GALNTL6: variants seen among roughly 807,000 people sequenced by gnomAD.
GALNTL6 encodes the protein polypeptide N-acetylgalactosaminyltransferase-like 6.
Under a neutral mutation model 73.7 loss-of-function variants are expected in GALNTL6, and 46 were observed. That is an observed-to-expected ratio of 0.62 (90% CI 0.49 to 0.80). The LOEUF (loss-of-function observed/expected upper bound fraction) is 0.80, where lower values mean the gene tolerates loss of function less well. GALNTL6 is among the 30% of genes least tolerant of loss of function. The probability of loss-of-function intolerance (pLI) is 0.00; values close to 1 mark genes in which losing one functional copy is unlikely to be tolerated. For missense variants in GALNTL6, 604 were observed against 755.0 expected (o/e 0.80, Z 2.34); for synonymous variants, 259 against 263.7 (o/e 0.98, Z 0.17).
intron 5 of GALNTL6, among the ~76,000 whole-genome samples, chr4:172,362,755 C>G (rs2111242381): frequency 6.6e-6 from 1 of 152,328 alleles, no homozygotes; most frequent in Non-Finnish European, 1.5e-5. Flanking sequence ...CACTTCCTCG[C>G]TTGATGACAT....
At chr4:172,681,730 T>C (rs1461592547) in intron 5 of GALNTL6, among the ~76,000 whole-genome samples, 1 of 152,182 alleles carries the variant, frequency 6.6e-6, no homozygotes, top group Admixed American at 6.5e-5. Context: ...ATAACTATTA[T>C]GTTTCAGGAC....
intron 10 of GALNTL6, among the ~76,000 whole-genome samples, chr4:173,007,297 C>A (rs906156036): frequency 3.9e-5 from 6 of 152,266 alleles, no homozygotes; most frequent in African/African-American, 1.4e-4. Context: ...TTGGTTAAAT[C>A]ATCAGTTGGG....
chr4:171,830,502 C>CA (rs1191844436), intron 2 of GALNTL6, among the ~76,000 whole-genome samples: 1 of 151,742 alleles, frequency 6.6e-6, no homozygotes, highest in Non-Finnish European at 1.5e-5. Flanking sequence ...TATATGTATA[C>CA]AAAAAAATAA....
At position 171,993,069 on chromosome 4, in the gene GALNTL6, C is replaced by T. The variant is rs559531064; in HGVS notation, c.138+178351C>T. Among the ~76,000 whole-genome samples the T allele has an allele frequency of 2.0e-4, 31 of 151,598 alleles. No individual in the cohort carries two copies. In the South Asian group the frequency reaches 6.0e-3, roughly 29 times the overall value. On this transcript the variant is annotated intron_variant, in intron 2 of 12. Coordinates refer to ENST00000506823, the MANE Select transcript of GALNTL6 (RefSeq NM_001034845.3). ...CCTTGAGATGGTAATAATCTGTTTTCGTCTCTGCCAACTCCCTCCCCAACA... is the reference window on the plus strand; with the variant it reads ...CCTTGAGATGGTAATAATCTGTTTTTGTCTCTGCCAACTCCCTCCCCAACA...
intron 5 of GALNTL6, among the ~76,000 whole-genome samples, chr4:172,519,224 T>C (rs192216310): frequency 1.1e-4 from 17 of 150,566 alleles, no homozygotes; most frequent in Non-Finnish European, 2.1e-4. Flanking sequence ...AAGAGAGATA[T>C]ATATGTAAGA....
chr4:172,766,595 A>G (rs1738419729), intron 5 of GALNTL6, among the ~76,000 whole-genome samples: 1 of 152,188 alleles, frequency 6.6e-6, no homozygotes, highest in Non-Finnish European at 1.5e-5. Context: ...ACTATGGAGA[A>G]CCATCATTAA....
intron 9 of GALNTL6, among the ~76,000 whole-genome samples, chr4:172,943,533 G>C (rs995786205): frequency 9.9e-5 from 15 of 152,184 alleles, no homozygotes; most frequent in Admixed American, 8.5e-4. Flanking sequence ...GAATACAGTT[G>C]TTTCTGCTTA....
In GALNTL6 at chr4:172,302,000, G is replaced by A. The variant is rs562555435; in HGVS notation, c.248-9614G>A. Among the ~76,000 whole-genome samples, 538 of 152,312 alleles carry A rather than the reference G, an allele frequency of 3.5e-3. 2 individuals carry two copies. Among genetic ancestry groups the A allele is most frequent in the African/African-American group, 0.012 (499 of 41,574 alleles). On this transcript the variant is annotated intron_variant, in intron 3 of 12. Transcript: ENST00000506823. The stretch of plus-strand genomic sequence containing the variant: ...TACTGAGGCAGGCAGGCCTCCTTGA[G>A]CTGCGGTGGGCTCCACCCAGTTCAA...
chr4:171,947,180 C>T (rs1186769563), intron 2 of GALNTL6, among the ~76,000 whole-genome samples: 2 of 151,950 alleles, frequency 1.3e-5, no homozygotes, highest in Non-Finnish European at 2.9e-5. Context: ...AAATTGTGCT[C>T]CTTCCTTCAT....
intron 2 of GALNTL6, among the ~76,000 whole-genome samples, chr4:172,219,512 C>T (rs577543421): frequency 2.0e-5 from 3 of 151,630 alleles, no homozygotes; most frequent in Admixed American, 1.3e-4. Flanking sequence ...TTATAATAAT[C>T]GAAGTTGTTT....
chr4:172,407,443 A>G (rs567433171), intron 5 of GALNTL6, among the ~76,000 whole-genome samples: 2 of 152,216 alleles, frequency 1.3e-5, no homozygotes, highest in African/African-American at 4.8e-5. Flanking sequence ...CAATGCCACA[A>G]ACTTATATTA....
intron 5 of GALNTL6, among the ~76,000 whole-genome samples, chr4:172,735,056 C>A (rs1736379623): frequency 6.6e-6 from 1 of 152,190 alleles, no homozygotes; most frequent in Non-Finnish European, 1.5e-5. Context: ...GGTTGGAGCA[C>A]CCACACAGAG....
intron 5 of GALNTL6, among the ~76,000 whole-genome samples, chr4:172,690,930 G>A (rs142918702): frequency 1.1e-3 from 169 of 152,252 alleles, no homozygotes; most frequent in African/African-American, 3.4e-3. Context: ...TTCTGTAGAG[G>A]GAGTATTGTA....
At chr4:172,751,437 AT>A (rs1317064328) in intron 5 of GALNTL6, among the ~76,000 whole-genome samples, 1 of 152,238 alleles carries the variant, frequency 6.6e-6, no homozygotes, top group Non-Finnish European at 1.5e-5. Flanking sequence ...GATCTTAAAA[AT>A]ATCACCAACT....
chr4:171,862,203 G>A (rs1050501874), intron 2 of GALNTL6, among the ~76,000 whole-genome samples: 1 of 152,100 alleles, frequency 6.6e-6, no homozygotes. Flanking sequence ...TTTTATTTGA[G>A]AGATAATTTT....
chr4:172,848,001 A>G (rs1171081060), intron 7 of GALNTL6, among the ~76,000 whole-genome samples: 1 of 152,222 alleles, frequency 6.6e-6, no homozygotes, highest in Admixed American at 6.5e-5. Context: ...TATTATGTAC[A>G]TCTAGAAGCT....
At chr4:172,443,121 C>CATATATATATATATATAT (rs4048464) in intron 5 of GALNTL6, among the ~76,000 whole-genome samples, 1 of 52,004 alleles carries the variant, frequency 1.9e-5, no homozygotes, top group Non-Finnish European at 3.8e-5. Context: ...GATCCATATA[C>CATATATATATATATATAT]ATATATATAT....
chr4:172,793,670 G>C (rs1448860563), intron 5 of GALNTL6, among the ~76,000 whole-genome samples: 2 of 152,180 alleles, frequency 1.3e-5, no homozygotes, highest in African/African-American at 4.8e-5. Context: ...CAGTAGAGGA[G>C]ACATAATTCT....
At chr4:171,971,500 A>G (rs1034792105) in intron 2 of GALNTL6, among the ~76,000 whole-genome samples, 1 of 152,216 alleles carries the variant, frequency 6.6e-6, no homozygotes, top group Non-Finnish European at 1.5e-5. Flanking sequence ...ATAGTAAATA[A>G]AAGTTAAATA....
Sources: allele counts gnomAD v4.1 joint callset (sites outside exome capture counted in the v4.1 genomes callset), GRCh38; gene constraint gnomAD v4.1.1; transcripts MANE v1.5; gene names NCBI Gene and HGNC (gene_info 2026-07-23, HGNC 2026-07-21).